The following SCD5 variants were observed in gnomAD, a reference collection of about 807,000 sequenced individuals.
The protein encoded by SCD5 is stearoyl-CoA desaturase 5, also known as acyl-CoA-desaturase 4.
In SCD5, 20 loss-of-function variants were observed where a neutral mutation model predicts 30.4. That is an observed-to-expected ratio of 0.66 (90% CI 0.46 to 0.96). The LOEUF (loss-of-function observed/expected upper bound fraction) is 0.96, where lower values mean the gene tolerates loss of function less well. Ranked by LOEUF, SCD5 falls within the 40% of genes least tolerant of loss-of-function variation. SCD5 has a pLI of 0.00. For synonymous variants in SCD5, 173 were observed against 176.4 expected (o/e 0.98, Z 0.16); for missense variants, 381 against 443.3 (o/e 0.86, Z 1.26).
At chr4:82,660,804 G>A in intron 3 of SCD5, 1 of 1,606,972 alleles carries the variant, frequency 6.2e-7, no homozygotes, top group Non-Finnish European at 8.5e-7. Context: ...AAAAGGCCTG[G>A]GTGTGGAGTC....
intron 3 of SCD5, chr4:82,660,649 A>G (rs1727977266): frequency 7.2e-7 from 1 of 1,389,320 alleles, no homozygotes; most frequent in Non-Finnish European, 9.3e-7. Context: ...AGAATCTCAG[A>G]GACAGAATGA....
At chr4:82,658,338 A>G (rs1028442385) in intron 3 of SCD5, among the ~76,000 whole-genome samples, 2 of 152,134 alleles carry the variant, frequency 1.3e-5, no homozygotes, top group Admixed American at 6.5e-5. Flanking sequence ...CCTTTTCTGC[A>G]TCTATTGAGA....
intron 1 of SCD5, among the ~76,000 whole-genome samples, chr4:82,711,709 A>C (rs989920583): frequency 1.7e-5 from 1 of 58,366 alleles, no homozygotes; most frequent in Non-Finnish European, 3.6e-5. Flanking sequence ...TTGTCTTAAA[A>C]AAAAAAAAAA....
intron 1 of SCD5, chr4:82,775,418 G>A (rs1214629193): frequency 6.6e-6 from 1 of 152,358 alleles, no homozygotes; most frequent in Non-Finnish European, 1.5e-5. Context: ...ATAAAGGAAA[G>A]TGGGGGAGTA....
intron 3 of SCD5, among the ~76,000 whole-genome samples, chr4:82,661,330 C>T (rs2148816889): frequency 6.6e-6 from 1 of 152,306 alleles, no homozygotes; most frequent in South Asian, 2.1e-4. Flanking sequence ...TCTAAATATT[C>T]ATTCTGGGTA....
chr4:82,768,099 C>A (rs1459407119), intron 1 of SCD5, among the ~76,000 whole-genome samples: 1 of 152,140 alleles, frequency 6.6e-6, no homozygotes, highest in Non-Finnish European at 1.5e-5. Flanking sequence ...TAATAACTAG[C>A]AAATATTCAT....
intron 1 of SCD5, among the ~76,000 whole-genome samples, chr4:82,783,850 T>C (rs549740002): frequency 2.0e-5 from 3 of 150,828 alleles, no homozygotes; most frequent in South Asian, 4.2e-4. Flanking sequence ...AAGAAAAAGA[T>C]TTTTTAAAAG....
At chr4:82,710,366 G>A (rs181894961) in intron 1 of SCD5, among the ~76,000 whole-genome samples, 70 of 152,226 alleles carry the variant, frequency 4.6e-4, no homozygotes, top group African/African-American at 1.3e-3. Flanking sequence ...AATGCAAAGT[G>A]ACCCTCGGAT....
At chr4:82,752,978 A>C (rs1270288096) in intron 1 of SCD5, among the ~76,000 whole-genome samples, 2 of 152,130 alleles carry the variant, frequency 1.3e-5, no homozygotes, top group African/African-American at 4.8e-5. Context: ...AAGAAAACTC[A>C]GTAAGGAACT....
chr4:82,663,591 G>A lies in SCD5; in HGVS notation c.569+17116C>T, dbSNP rs923943804. On this transcript the variant is annotated intron_variant, in intron 3 of 4. Transcript: ENST00000319540. ...TTTTGAATTTTTGCAATCAGACCTT[G>A]GTGATGACCTTGAGCAGCAGGATAT... is the stretch of plus-strand genomic sequence containing the variant. Among the ~76,000 whole-genome samples the A allele has an allele frequency of 3.9e-5, 6 of 152,182 alleles. 1 individual carries two copies. Among genetic ancestry groups the A allele is most frequent in the Admixed American group, 3.3e-4 (5 of 15,274 alleles).
At chr4:82,761,794 T>C (rs1234954406) in intron 1 of SCD5, among the ~76,000 whole-genome samples, 4 of 151,056 alleles carry the variant, frequency 2.6e-5, no homozygotes, top group Non-Finnish European at 4.4e-5. Context: ...TGTGATCTCA[T>C]TGTTCAATTC....
intron 3 of SCD5, among the ~76,000 whole-genome samples, chr4:82,652,417 A>G (rs777005801): frequency 2.3e-4 from 35 of 152,194 alleles, no homozygotes; most frequent in Admixed American, 7.9e-4. Context: ...GAGGAAGAAG[A>G]AAGACATTAT....
chr4:82,795,799 C>A (rs2148855606), intron 1 of SCD5, among the ~76,000 whole-genome samples: 1 of 130,426 alleles, frequency 7.7e-6, no homozygotes, highest in Admixed American at 7.8e-5. Flanking sequence ...TCCAGCAAGA[C>A]CCTGTCTCAC....
chr4:82,693,096 T>C (rs1400376465), intron 2 of SCD5, among the ~76,000 whole-genome samples: 4 of 152,092 alleles, frequency 2.6e-5, no homozygotes, highest in Non-Finnish European at 5.9e-5. Context: ...ACCAGTGAGG[T>C]AGGCACAGAG....
At chr4:82,740,446 T>A (rs890985919) in intron 1 of SCD5, among the ~76,000 whole-genome samples, 1 of 152,238 alleles carries the variant, frequency 6.6e-6, no homozygotes, top group Non-Finnish European at 1.5e-5. Context: ...AGTATCAGGC[T>A]AACATCTCAT....
chr4:82,631,664 G>A, intron 4 of SCD5, 147 bp from the exon 5 acceptor site: 1 of 713,252 alleles, frequency 1.4e-6, no homozygotes, highest in East Asian at 2.8e-5. Context: ...TGACTCCAAA[G>A]GCATTGACTT....
intron 3 of SCD5, among the ~76,000 whole-genome samples, chr4:82,670,187 A>T (rs1002528089): frequency 6.6e-6 from 1 of 152,202 alleles, no homozygotes; most frequent in Non-Finnish European, 1.5e-5. Flanking sequence ...TCAGAACTAG[A>T]TATAGCAAGG....
chr4:82,797,047 C>T (rs559432259), intron 1 of SCD5, among the ~76,000 whole-genome samples: 4 of 152,254 alleles, frequency 2.6e-5, no homozygotes, highest in African/African-American at 9.6e-5. Context: ...AGCCACACCC[C>T]CTAAGAGGTA....
At chr4:82,750,222 T>C (rs1007799545) in intron 1 of SCD5, among the ~76,000 whole-genome samples, 3 of 152,174 alleles carry the variant, frequency 2.0e-5, no homozygotes, top group Non-Finnish European at 4.4e-5. Context: ...GGGATGGCCA[T>C]TGGGAGGGCC....
Sources: allele counts gnomAD v4.1 joint callset (sites outside exome capture counted in the v4.1 genomes callset), GRCh38; gene constraint gnomAD v4.1.1; transcripts MANE v1.5; gene names NCBI Gene and HGNC (gene_info 2026-07-23, HGNC 2026-07-21).